Variants in RBFOX2 observed in about 807,000 individuals in gnomAD.
RBFOX2 encodes RNA binding fox-1 homolog 2.
Under a neutral mutation model 49.1 loss-of-function variants are expected in RBFOX2, and 10 were observed. That is an observed-to-expected ratio of 0.20 (90% CI 0.13 to 0.35). RBFOX2 has a LOEUF of 0.35. Among genes scored for constraint, RBFOX2 ranks in the 10% least tolerant of loss-of-function variants. The pLI, the probability that RBFOX2 is intolerant of heterozygous loss-of-function variation, is 1.00. For synonymous variants in RBFOX2, 183 were observed against 187.4 expected (o/e 0.98, Z 0.19); for missense variants, 323 against 486.9 (o/e 0.66, Z 3.17).
chr22:35,768,175 T>G (rs1941594731), intron 5 of RBFOX2, 82 bp downstream of exon 6: 1 of 1,448,878 alleles, frequency 6.9e-7, no homozygotes, highest in Non-Finnish European at 9.6e-7. Context: ...AAGACAGGGT[T>G]CCAAATGTGA....
chr22:35,928,623 GTTTTC>G (rs946758393), intron 1 of RBFOX2, among the ~76,000 whole-genome samples: 3 of 152,140 alleles, frequency 2.0e-5, no homozygotes, highest in Admixed American at 6.5e-5. Context: ...AAACAATTCT[GTTTTC>G]TTTTATTGGA....
rs367747874 is a variant in RBFOX2 at position 35,899,731 on chromosome 22, C to T, written c.-34+39116G>A. Among the ~76,000 whole-genome samples, 38 of 152,266 alleles carry T rather than the reference C, an allele frequency of 2.5e-4. No individual in the cohort carries two copies. The South Asian group carries it at 7.5e-3, about 30-fold the overall frequency. On this transcript the variant is annotated intron_variant, in intron 1 of 13. Transcript: ENST00000359369. Reference sequence around the variant, plus strand: ...GTAAAAACTCCACACTATAAAGAGACTCTAAAAAGAATCACAGTCTTATAC... The same window carrying T: ...GTAAAAACTCCACACTATAAAGAGATTCTAAAAAGAATCACAGTCTTATAC...
intron 1 of RBFOX2, chr22:35,998,201 C>A (rs979839478): frequency 1.3e-5 from 2 of 152,068 alleles, no homozygotes; most frequent in East Asian, 3.8e-4. Flanking sequence ...CCCACCAATA[C>A]AATAGCAAGG....
chr22:35,835,190 G>A (rs1051043393), intron 1 of RBFOX2, among the ~76,000 whole-genome samples: 1 of 152,070 alleles, frequency 6.6e-6, no homozygotes, highest in Non-Finnish European at 1.5e-5. Flanking sequence ...CAGTGGTTTG[G>A]AAATGTTGAA....
At chr22:35,907,088 G>A (rs1003825263) in intron 1 of RBFOX2, among the ~76,000 whole-genome samples, 1 of 152,224 alleles carries the variant, frequency 6.6e-6, no homozygotes, top group African/African-American at 2.4e-5. Context: ...TCTGTATCAT[G>A]TGGGAGATAA....
chr22:35,746,378 C>T (rs1023783089), intron 10 of RBFOX2, 95 bp downstream of exon 12: 3 of 1,141,916 alleles, frequency 2.6e-6, no homozygotes, highest in African/African-American at 3.1e-5. Flanking sequence ...GTGCTAAGAG[C>T]TGCTGTGGAA....
intron 4 of RBFOX2, among the ~76,000 whole-genome samples, chr22:35,768,637 G>A (rs1941745699): frequency 6.6e-6 from 1 of 152,010 alleles, no homozygotes; most frequent in African/African-American, 2.4e-5. Context: ...AGAGTTACTC[G>A]GGTCAAACTA....
chr22:35,840,114 T>C (rs947906651), intron 1 of RBFOX2: 222 of 1,540,240 alleles, frequency 1.4e-4, no homozygotes, highest in Non-Finnish European at 1.9e-4. Context: ...AAACTCTTCT[T>C]ACTATACTCC....
Position 35,870,662 on chromosome 22 carries a change from G to C in RBFOX2, c.-33-60658C>G, listed in dbSNP as rs140442300. 3.6e-3 allele frequency among the ~76,000 whole-genome samples: 551 copies of C among 152,184 alleles called. 1 individual carries two copies. The highest frequency in any genetic ancestry group is 0.012 in the African/African-American group (491 of 41,528). On this transcript the variant is annotated intron_variant, in intron 1 of 13. Coordinates refer to the RBFOX2 transcript ENST00000359369. ...CTGGATAAGTGGCTGATAAAAGCAG[G>C]TCTCAATTTCCTGCCAAAACAGTGG...
intron 2 of RBFOX2, among the ~76,000 whole-genome samples, chr22:35,784,439 C>T (rs1331810895): frequency 6.6e-6 from 1 of 152,246 alleles, no homozygotes; most frequent in African/African-American, 2.4e-5. Flanking sequence ...CCTCCTGGCA[C>T]CTCATGCCCG....
intron 1 of RBFOX2, among the ~76,000 whole-genome samples, chr22:35,982,705 G>A (rs757399767): frequency 7.3e-5 from 11 of 151,696 alleles, no homozygotes; most frequent in Non-Finnish European, 1.5e-4. Context: ...GAGTGCAACA[G>A]TTATATAAGA....
intron 1 of RBFOX2, among the ~76,000 whole-genome samples, chr22:35,930,039 T>TA (rs2052180900): frequency 7.5e-6 from 1 of 133,440 alleles, no homozygotes; most frequent in African/African-American, 3.3e-5. Flanking sequence ...TTTTTTTTTT[T>TA]GAGACGGAGT....
At chr22:35,938,857 C>T (rs562357805) in exon 1 of RBFOX2, 28 of 1,613,826 alleles carry the variant, frequency 1.7e-5, no homozygotes, top group South Asian at 1.2e-4. Flanking sequence ...CTGGCTGTCC[C>T]GCGCTGGGAA....
At chr22:35,748,141 AG>A (rs1243550472) in intron 9 of RBFOX2, 1 of 152,186 alleles carries the variant, frequency 6.6e-6, no homozygotes, top group Non-Finnish European at 1.5e-5. Context: ...CTGCTCTTCA[AG>A]TTTATGCTGC....
chr22:35,959,613 T>G (rs1019847992), intron 1 of RBFOX2, among the ~76,000 whole-genome samples: 1 of 152,228 alleles, frequency 6.6e-6, no homozygotes, highest in African/African-American at 2.4e-5. Flanking sequence ...CGTCTGAGAT[T>G]TCTGCATCTA....
chr22:35,818,830 A>AGTGCT (rs1953775276), intron 1 of RBFOX2, among the ~76,000 whole-genome samples: 1 of 152,184 alleles, frequency 6.6e-6, no homozygotes, highest in Non-Finnish European at 1.5e-5. Context: ...CTCAGGTTCC[A>AGTGCT]AATAAAACAC....
At chr22:35,739,130 G>C (rs1277457836) in exon 12 of RBFOX2, 1 of 154,080 alleles carries the variant, frequency 6.5e-6, no homozygotes, top group East Asian at 1.9e-4. Flanking sequence ...GGAGGGGAGA[G>C]AGAAGGCTAG....
chr22:35,872,513 T>C (rs1196502864), intron 1 of RBFOX2, among the ~76,000 whole-genome samples: 1 of 152,126 alleles, frequency 6.6e-6, no homozygotes, highest in Non-Finnish European at 1.5e-5. Context: ...GAGTGCAAAG[T>C]TTTATTGAGT....
At chr22:35,856,222 C>T (rs2042495542) in intron 1 of RBFOX2, among the ~76,000 whole-genome samples, 1 of 152,118 alleles carries the variant, frequency 6.6e-6, no homozygotes, top group Non-Finnish European at 1.5e-5. Flanking sequence ...TAAGGTAAAT[C>T]AGTCTCATGC....
Sources: gnomAD v4.1 joint callset for allele counts (sites outside exome capture counted in the v4.1 genomes callset) on GRCh38, gnomAD v4.1.1 for gene constraint, MANE v1.5 for transcripts, NCBI Gene and HGNC (gene_info 2026-07-23, HGNC 2026-07-21) for gene names.